The following PTPRM variants were observed in gnomAD, a reference collection of about 807,000 sequenced individuals.
PTPRM encodes protein tyrosine phosphatase receptor type M, also known as receptor-type tyrosine-protein phosphatase mu.
In PTPRM, 47 loss-of-function variants were observed where a neutral mutation model predicts 186.7. The observed-to-expected ratio is 0.25, with a 90% CI of 0.20 to 0.32. The LOEUF is 0.32. Ranked by LOEUF, PTPRM falls within the 10% of genes least tolerant of loss-of-function variation. The pLI is 1.00. For synonymous variants in PTPRM, 668 were observed against 674.9 expected (o/e 0.99, Z 0.16); for missense variants, 1,494 against 1,865.0 (o/e 0.80, Z 3.66).
intron 7 of PTPRM, among the ~76,000 whole-genome samples, chr18:7,973,285 T>C (rs1404146489): frequency 6.6e-6 from 1 of 152,174 alleles, no homozygotes; most frequent in African/African-American, 2.4e-5. Context: ...GATATATGCA[T>C]TTAAGACTTT....
chr18:8,203,667 G>A (rs2093888675), intron 14 of PTPRM, among the ~76,000 whole-genome samples: 1 of 152,116 alleles, frequency 6.6e-6, no homozygotes, highest in African/African-American at 2.4e-5. Context: ...GGGGGAAATT[G>A]TCATAATGTC....
chr18:8,394,368 C>A, intron 31 of PTPRM, 108 bp from the exon 32 acceptor site: 2 of 1,306,428 alleles, frequency 1.5e-6, no homozygotes, highest in East Asian at 2.7e-5. Context: ...CCTCAGAGCC[C>A]TTTGTTGTTA....
chr18:7,842,887 G>GTGTATATA (rs373873606), intron 2 of PTPRM, among the ~76,000 whole-genome samples: 3 of 127,212 alleles, frequency 2.4e-5, no homozygotes, highest in South Asian at 2.5e-4. Flanking sequence ...TTTCTCGTGT[G>GTGTATATA]TATATATATA....
chr18:8,146,447 G>A (rs2092888669), intron 14 of PTPRM, among the ~76,000 whole-genome samples: 2 of 151,192 alleles, frequency 1.3e-5, no homozygotes, highest in South Asian at 2.1e-4. Flanking sequence ...CTGCATAAAT[G>A]TCTTCTTTTG....
chr18:8,253,193 C>A (rs1409220391), intron 18 of PTPRM, 34 bp from the exon 19 acceptor site: 14 of 1,358,412 alleles, frequency 1.0e-5, no homozygotes, highest in Non-Finnish European at 1.2e-5. Context: ...CTCCCTGGCT[C>A]TCCCTCATTT....
chr18:7,749,776 T>C (rs1289424279), intron 1 of PTPRM, among the ~76,000 whole-genome samples: 5 of 152,146 alleles, frequency 3.3e-5, no homozygotes, highest in African/African-American at 4.8e-5. Context: ...CTCAATTCCA[T>C]GTTAGGGATC....
chr18:7,657,673 C>T (rs573938507), intron 1 of PTPRM, among the ~76,000 whole-genome samples: 4 of 152,326 alleles, frequency 2.6e-5, no homozygotes, highest in Non-Finnish European at 5.9e-5. Flanking sequence ...TGTACACTGG[C>T]CTTGTGCAGG....
chr18:8,144,652 G>A (rs2092839102), intron 14 of PTPRM, among the ~76,000 whole-genome samples: 1 of 152,212 alleles, frequency 6.6e-6, no homozygotes, highest in South Asian at 2.1e-4. Flanking sequence ...GGATAGTCTG[G>A]GGGAGAGAAA....
intron 20 of PTPRM, among the ~76,000 whole-genome samples, chr18:8,311,615 A>G (rs1161643423): frequency 6.6e-6 from 1 of 152,226 alleles, no homozygotes; most frequent in Non-Finnish European, 1.5e-5. Flanking sequence ...AAGAAAAAAG[A>G]TACTACCATG....
At chr18:8,340,405 C>T (rs1163787485) in intron 22 of PTPRM, among the ~76,000 whole-genome samples, 3 of 151,890 alleles carry the variant, frequency 2.0e-5, no homozygotes. Flanking sequence ...CTTTTTTTAG[C>T]GTAGGTCAAT....
intron 14 of PTPRM, among the ~76,000 whole-genome samples, chr18:8,164,471 T>C (rs1485248339): frequency 1.3e-5 from 2 of 152,216 alleles, no homozygotes; most frequent in Admixed American, 1.3e-4. Context: ...GAAGAGTGGA[T>C]AAACAAAAAT....
chr18:7,966,183 G>A (rs2054036453), intron 7 of PTPRM, among the ~76,000 whole-genome samples: 2 of 151,976 alleles, frequency 1.3e-5, no homozygotes, highest in African/African-American at 4.8e-5. Flanking sequence ...CATATAAATG[G>A]AATTTAAATT....
chr18:7,984,075 A>G (rs974754855), intron 7 of PTPRM, among the ~76,000 whole-genome samples: 2 of 152,166 alleles, frequency 1.3e-5, no homozygotes, highest in Admixed American at 1.3e-4. Flanking sequence ...TTCTTTACAT[A>G]ATAGTCTCCA....
rs1203995882 is a variant in PTPRM at position 8,252,493 on chromosome 18, A to G, written c.2560A>G (p.Ile854Val). ...PFVPTAILVP[I>V]NDETHTMASD... The stretch of plus-strand genomic sequence containing the variant: ...GATATGTATCTTCTTAAAAGTGCCA[A>G]TAAATGGTAAGTTCCCCGATTCGCC... Residue 854 changes from isoleucine (I) to valine (V), a missense_variant, in exon 18 of 33, where the codon ATA (isoleucine) becomes GTA (valine). By Grantham distance (29) the Ile-to-Val change is conservative. This residue lies in a region of PTPRM where 1,107 missense variants were observed against 1,350.2 expected (regional missense o/e 0.82). Coordinates refer to ENST00000580170, the MANE Select transcript of PTPRM (RefSeq NM_001105244.2). 7.8e-6 allele frequency: 12 copies of G among 1,548,268 alleles called. No individual in the cohort carries two copies. The highest frequency in any genetic ancestry group is 2.2e-5 in the East Asian group (1 of 44,550).
chr18:7,860,281 T>C (rs1386519262), intron 2 of PTPRM, among the ~76,000 whole-genome samples: 2 of 152,038 alleles, frequency 1.3e-5, no homozygotes, highest in Non-Finnish European at 2.9e-5. Context: ...CCATGTTGGC[T>C]AGGCTGGCCT....
At chr18:8,386,975 T>C (rs1219398072) in intron 30 of PTPRM, 97 bp from the exon 31 acceptor site, 2 of 1,267,444 alleles carry the variant, frequency 1.6e-6, no homozygotes, top group East Asian at 4.7e-5. Flanking sequence ...TCGCCTTTAA[T>C]AATGGGAAGA....
At chr18:8,134,051 A>G (rs1319904698) in intron 13 of PTPRM, among the ~76,000 whole-genome samples, 1 of 152,204 alleles carries the variant, frequency 6.6e-6, no homozygotes, top group African/African-American at 2.4e-5. Context: ...TCTTTAACCC[A>G]AGGGCGGAAT....
chr18:8,316,996 C>T (rs576974214), intron 21 of PTPRM, among the ~76,000 whole-genome samples: 4 of 152,210 alleles, frequency 2.6e-5, no homozygotes, highest in African/African-American at 7.2e-5. Flanking sequence ...TGGGGGCCTG[C>T]GGAGTTCCAT....
intron 31 of PTPRM, among the ~76,000 whole-genome samples, chr18:8,391,712 G>A (rs981223154): frequency 2.0e-5 from 3 of 152,114 alleles, no homozygotes; most frequent in African/African-American, 7.2e-5. Flanking sequence ...GTCTACTTAC[G>A]GTCTTTATTG....
Sources: allele counts gnomAD v4.1 joint callset (sites outside exome capture counted in the v4.1 genomes callset), GRCh38; gene constraint gnomAD v4.1.1; regional missense constraint gnomAD v4.1.1; transcripts MANE v1.5; gene names NCBI Gene and HGNC (gene_info 2026-07-23, HGNC 2026-07-21).